ROBO2: variants seen among roughly 807,000 people sequenced by gnomAD.
The protein encoded by ROBO2 is roundabout guidance receptor 2.
A neutral mutation model predicts 160.8 loss-of-function variants in ROBO2; 53 were observed. The observed-to-expected ratio is 0.33, with a 90% confidence interval of 0.26 to 0.41. ROBO2 has a LOEUF of 0.41. Among genes scored for constraint, ROBO2 ranks in the 10% least tolerant of loss-of-function variants. The pLI is 1.00. For synonymous variants in ROBO2, 664 were observed against 611.7 expected, an observed-to-expected ratio of 1.09 and a Z score of -1.26; for missense variants, 1,577 against 1,722.4, an observed-to-expected ratio of 0.92 and a Z score of 1.49.
intron 2 of ROBO2, among the ~76,000 whole-genome samples, chr3:76,910,922 A>T (rs932713340): frequency 2.6e-5 from 4 of 151,870 alleles, no homozygotes; most frequent in African/African-American, 9.7e-5. Flanking sequence ...TTTTTGCTTC[A>T]TTCGAATACA....
At chr3:76,739,616 T>G (rs548526645) in intron 2 of ROBO2, among the ~76,000 whole-genome samples, 3 of 148,028 alleles carry the variant, frequency 2.0e-5, no homozygotes, top group East Asian at 3.9e-4. Context: ...CCCTAAAACT[T>G]AAAAGTATAA....
chr3:77,396,441 A>C (rs919447944), intron 2 of ROBO2, among the ~76,000 whole-genome samples: 2 of 152,156 alleles, frequency 1.3e-5, no homozygotes, highest in African/African-American at 2.4e-5. Context: ...TACGTGAAAC[A>C]CTGATCTTCA....
intron 2 of ROBO2, among the ~76,000 whole-genome samples, chr3:75,974,578 T>C (rs979257001): frequency 3.3e-5 from 5 of 151,770 alleles, no homozygotes; most frequent in South Asian, 4.1e-4. Context: ...TTATGAATTA[T>C]GGCTTGTCTT....
chr3:76,166,808 C>CT (rs765129415), intron 2 of ROBO2, among the ~76,000 whole-genome samples: 80 of 152,258 alleles, frequency 5.3e-4, no homozygotes, highest in Non-Finnish European at 1.0e-3. Flanking sequence ...ACCTCGACTG[C>CT]CTTAGCTGAC....
intron 21 of ROBO2, among the ~76,000 whole-genome samples, chr3:77,615,607 G>T (rs1029261690): frequency 6.6e-6 from 1 of 152,070 alleles, no homozygotes; most frequent in Non-Finnish European, 1.5e-5. Flanking sequence ...ACCTTTTTTA[G>T]ACCTTTCACT....
At chr3:76,357,329 C>T (rs1266851754) in intron 2 of ROBO2, among the ~76,000 whole-genome samples, 1 of 151,926 alleles carries the variant, frequency 6.6e-6, no homozygotes, top group Non-Finnish European at 1.5e-5. Context: ...AATGAACAAA[C>T]TGCTGTCCTC....
At chr3:76,708,526 C>A (rs537027951) in intron 2 of ROBO2, among the ~76,000 whole-genome samples, 1 of 152,224 alleles carries the variant, frequency 6.6e-6, no homozygotes, top group East Asian at 1.9e-4. Flanking sequence ...AAAACAACAA[C>A]CAAAAACCAC....
chr3:77,067,067 C>T (rs1367088883), intron 1 of ROBO2, among the ~76,000 whole-genome samples: 3 of 145,970 alleles, frequency 2.1e-5, no homozygotes, highest in Admixed American at 6.9e-5. Context: ...CACTGCAAAA[C>T]AAAAACACAA....
At chr3:76,993,614 T>C (rs1285681020) in intron 2 of ROBO2, among the ~76,000 whole-genome samples, 1 of 152,162 alleles carries the variant, frequency 6.6e-6, no homozygotes, top group Admixed American at 6.6e-5. Flanking sequence ...GTGAATTGTT[T>C]AGTTAGCGTG....
Position 77,129,502 on chromosome 3 carries a change from T to C in ROBO2, c.388+31162T>C, listed in dbSNP as rs80131820. Among the ~76,000 whole-genome samples, 3,236 of 152,328 alleles carry C rather than the reference T, an allele frequency of 0.021. 187 individuals carry two copies. In the East Asian group the frequency reaches 0.23, roughly 11 times the overall value. Reference sequence around the variant, plus strand: ...AAAGCATTTTCTGCATTCTGCAGGTTGTGGAAGCGTTTTTCCCTGCAAAAA... The same window carrying C: ...AAAGCATTTTCTGCATTCTGCAGGTCGTGGAAGCGTTTTTCCCTGCAAAAA... On this transcript the variant is annotated intron_variant, in intron 2 of 25. Coordinates refer to ENST00000461745, the Ensembl canonical transcript of ROBO2.
intron 2 of ROBO2, among the ~76,000 whole-genome samples, chr3:76,275,264 A>T (rs1210732554): frequency 1.3e-5 from 2 of 152,190 alleles, no homozygotes; most frequent in Non-Finnish European, 2.9e-5. Flanking sequence ...GTGGAAGCAG[A>T]ATTTAATATC....
At position 76,206,715 on chromosome 3, in the gene ROBO2, A is replaced by C. The variant is rs1326363011; in HGVS notation, c.109+269113A>C. ...TCATTGGGCATTCACTATCTGTTTC[A>C]TCTTGGAAGATATGCTTCATCTCTC... On this transcript the variant is annotated intron_variant, in intron 2 of 26. Coordinates refer to the ROBO2 transcript ENST00000487694. 2.6e-5 allele frequency among the ~76,000 whole-genome samples: 4 copies of C among 152,260 alleles called. No homozygotes were observed. In the East Asian group the frequency reaches 7.7e-4, roughly 29 times the overall value.
intron 2 of ROBO2, among the ~76,000 whole-genome samples, chr3:76,367,817 CA>C (rs1258342309): frequency 1.3e-5 from 2 of 151,736 alleles, no homozygotes; most frequent in African/African-American, 4.8e-5. Context: ...TAATTTTGTG[CA>C]ATATGAGATT....
intron 2 of ROBO2, among the ~76,000 whole-genome samples, chr3:76,651,625 A>G (rs1371923886): frequency 6.6e-6 from 1 of 152,140 alleles, no homozygotes; most frequent in Non-Finnish European, 1.5e-5. Flanking sequence ...TAAAAAAAAA[A>G]AGAATTGAAA....
intron 2 of ROBO2, among the ~76,000 whole-genome samples, chr3:76,120,711 T>A (rs967064753): frequency 6.6e-6 from 1 of 152,170 alleles, no homozygotes; most frequent in African/African-American, 2.4e-5. Flanking sequence ...TATTCAGTAA[T>A]GCAATTGTAA....
intron 2 of ROBO2, among the ~76,000 whole-genome samples, chr3:76,500,889 G>T (rs1446328101): frequency 1.3e-5 from 2 of 152,068 alleles, no homozygotes; most frequent in South Asian, 2.1e-4. Flanking sequence ...TTCCTCAAAA[G>T]AAATGCTATT....
intron 2 of ROBO2, among the ~76,000 whole-genome samples, chr3:76,513,233 T>A (rs1377213490): frequency 6.6e-6 from 1 of 152,224 alleles, no homozygotes; most frequent in African/African-American, 2.4e-5. Flanking sequence ...CCACATTGTT[T>A]TAACTTATGT....
At chr3:77,295,601 AC>A (rs1276756219) in intron 2 of ROBO2, among the ~76,000 whole-genome samples, 3 of 85,254 alleles carry the variant, frequency 3.5e-5, no homozygotes, top group Admixed American at 1.1e-4. Context: ...AGGCTAGATC[AC>A]CCCACACATA....
intron 2 of ROBO2, among the ~76,000 whole-genome samples, chr3:75,991,835 A>T (rs1030958003): frequency 2.6e-5 from 4 of 152,128 alleles, no homozygotes; most frequent in African/African-American, 9.7e-5. Flanking sequence ...GGTGGGGGAG[A>T]TCTCAGATGG....
Sources: gnomAD v4.1 joint callset for allele counts (sites outside exome capture counted in the v4.1 genomes callset) on GRCh38, gnomAD v4.1.1 for gene constraint, MANE v1.5 for transcripts, NCBI Gene and HGNC (gene_info 2026-07-23, HGNC 2026-07-21) for gene names.